The following SLC7A2 variants were observed in gnomAD, a reference collection of about 807,000 sequenced individuals.
SLC7A2 encodes the protein cationic amino acid transporter 2.
Under a neutral mutation model 58.9 loss-of-function variants are expected in SLC7A2, and 48 were observed. That is an observed-to-expected ratio of 0.82 (90% confidence interval 0.65 to 1.04). The LOEUF is 1.04. SLC7A2 is among the 50% of genes least tolerant of loss of function. The pLI is 0.00. For missense variants in SLC7A2, 1,029 were observed against 818.8 expected (o/e 1.26, Z -3.13); for synonymous variants, 363 against 314.5 (o/e 1.15, Z -1.63).
chr8:17,531,246 C>G (rs1328227655), intron 2 of SLC7A2, among the ~76,000 whole-genome samples: 15 of 152,160 alleles, frequency 9.9e-5, no homozygotes. Flanking sequence ...TCTCTCTCTT[C>G]TTACAGTCTT....
intron 2 of SLC7A2, among the ~76,000 whole-genome samples, chr8:17,505,257 C>A (rs762413017): frequency 1.3e-5 from 2 of 152,244 alleles, no homozygotes; most frequent in Admixed American, 6.5e-5. Flanking sequence ...AAGATAAGAA[C>A]CTTGGAATGC....
intron 2 of SLC7A2, among the ~76,000 whole-genome samples, chr8:17,511,928 C>T (rs1397706260): frequency 1.3e-5 from 2 of 151,622 alleles, no homozygotes; most frequent in East Asian, 1.9e-4. Context: ...TGTGATTTCA[C>T]AACATGATCT....
upstream of SLC7A2, among the ~76,000 whole-genome samples, chr8:17,494,645 A>G (rs953697227): frequency 3.3e-5 from 5 of 152,204 alleles, no homozygotes; most frequent in African/African-American, 1.2e-4. Flanking sequence ...CTCTTGTCTC[A>G]TAGTCTGTCT....
intron 2 of SLC7A2, 117 bp from the exon 3 acceptor site, chr8:17,543,189 AACACACACACAC>A (rs112878892): frequency 8.9e-6 from 6 of 673,590 alleles, no homozygotes; most frequent in Admixed American, 6.7e-5. Context: ...TAACAAGTGA[AACACACACACAC>A]ACACACACAC....
At chr8:17,512,764 C>T (rs77103880) in intron 2 of SLC7A2, among the ~76,000 whole-genome samples, 5,776 of 152,222 alleles carry the variant, frequency 0.038, 167 homozygotes, top group Middle Eastern at 0.17. Context: ...AAAACTGAAA[C>T]TCTGTACCGT....
At chr8:17,562,682 C>T (rs1236523453) in intron 11 of SLC7A2, among the ~76,000 whole-genome samples, 1 of 152,144 alleles carries the variant, frequency 6.6e-6, no homozygotes, top group Admixed American at 6.5e-5. Context: ...CATTGGTCCT[C>T]TTACTGCCTT....
Position 17,511,916 on chromosome 8 carries a change from GTTGTGATTTCACAA to G in SLC7A2, c.-23+9615_-23+9628del, listed in dbSNP as rs879607978. Among the ~76,000 whole-genome samples, 267 of 152,258 alleles carry G rather than the reference GTTGTGATTTCACAA, an allele frequency of 1.8e-3. 3 individuals carry two copies. Among genetic ancestry groups the G allele is most frequent in the Non-Finnish European group, 3.0e-3 (205 of 68,008 alleles). On this transcript the variant is annotated intron_variant, in intron 2 of 12. Coordinates refer to ENST00000494857, the MANE Select transcript of SLC7A2 (RefSeq NM_001370338.1). ...TAACACACTGACACTATGGAACTAT[GTTGTGATTTCACAA>G]CATGATCTGTCGTTCTGTAAGAAAA...
chr8:17,526,480 G>T (rs930583989), intron 2 of SLC7A2, among the ~76,000 whole-genome samples: 1 of 151,372 alleles, frequency 6.6e-6, no homozygotes, highest in Non-Finnish European at 1.5e-5. Context: ...GAGTTGGTGA[G>T]AGAGAACCTC....
At chr8:17,559,752 A>G (rs999801615) in intron 9 of SLC7A2, among the ~76,000 whole-genome samples, 2 of 152,210 alleles carry the variant, frequency 1.3e-5, no homozygotes, top group African/African-American at 4.8e-5. Context: ...GGACACAGCC[A>G]AACCATATCA....
intron 1 of SLC7A2, chr8:17,499,889 C>T (rs1800086451): frequency 6.6e-6 from 1 of 152,136 alleles, no homozygotes; most frequent in Non-Finnish European, 1.5e-5. Flanking sequence ...ATTTTAATAA[C>T]TTTTCATTTT....
intron 6 of SLC7A2, 69 bp downstream of exon 6, chr8:17,550,503 A>C (rs1394267842): frequency 1.4e-6 from 2 of 1,471,142 alleles, no homozygotes; most frequent in African/African-American, 1.4e-5. Context: ...CGTGTGTGGT[A>C]GCAGAGGGTC....
chr8:17,496,261 G>A (rs1474348426), upstream of SLC7A2, among the ~76,000 whole-genome samples: 3 of 152,168 alleles, frequency 2.0e-5, no homozygotes, highest in Non-Finnish European at 4.4e-5. Flanking sequence ...GGTCGAGGCT[G>A]CAGTGAGCCA....
intron 2 of SLC7A2, among the ~76,000 whole-genome samples, chr8:17,528,982 G>A (rs1801330621): frequency 6.6e-6 from 1 of 151,934 alleles, no homozygotes; most frequent in Non-Finnish European, 1.5e-5. Flanking sequence ...AAGATGAGAG[G>A]GGACCAGTTT....
intron 2 of SLC7A2, among the ~76,000 whole-genome samples, chr8:17,506,951 T>C (rs542695764): frequency 3.2e-4 from 48 of 151,436 alleles, no homozygotes; most frequent in African/African-American, 9.4e-4. Context: ...GTGGAATTTT[T>C]TTTTTTTTTT....
At chr8:17,515,412 C>T (rs905569992) in intron 2 of SLC7A2, among the ~76,000 whole-genome samples, 4 of 152,134 alleles carry the variant, frequency 2.6e-5, no homozygotes, top group East Asian at 1.9e-4. Flanking sequence ...TCTCCTGCCT[C>T]AGCCTCCTGA....
chr8:17,550,119 C>G (rs1396205504), intron 5 of SLC7A2, among the ~76,000 whole-genome samples, 182 bp from the exon 6 acceptor site: 3 of 152,164 alleles, frequency 2.0e-5, no homozygotes, highest in African/African-American at 7.2e-5. Context: ...AGGAGGGTCA[C>G]TGTTAGTGGC....
rs188210853 is a variant in SLC7A2 at position 17,512,814 on chromosome 8, C to G, written c.-23+10512C>G. Among the ~76,000 whole-genome samples the G allele has an allele frequency of 2.0e-3, 297 of 152,292 alleles. 1 individual carries two copies. Among genetic ancestry groups the G allele is most frequent in the South Asian group, 3.3e-3 (16 of 4,832 alleles). On this transcript the variant is annotated intron_variant, in intron 2 of 12. Coordinates refer to ENST00000494857, the MANE Select transcript of SLC7A2 (RefSeq NM_001370338.1). ...GTTTCCCCTTCCCTTCCGCCCTGGC[C>G]AACCACCATTCTACTTTCTGTCTCT... is the stretch of plus-strand genomic sequence containing the variant.
intron 2 of SLC7A2, among the ~76,000 whole-genome samples, chr8:17,504,011 G>A (rs763061639): frequency 2.4e-4 from 37 of 152,168 alleles, no homozygotes; most frequent in Non-Finnish European, 2.9e-5. Flanking sequence ...TTCCACAGCA[G>A]CCTATGGCAA....
upstream of SLC7A2, among the ~76,000 whole-genome samples, chr8:17,496,823 C>G (rs1799969310): frequency 6.6e-6 from 1 of 152,118 alleles, no homozygotes; most frequent in Admixed American, 6.5e-5. Context: ...CGAAGTTTAT[C>G]CTCGCGCGCA....
Sources: allele counts gnomAD v4.1 joint callset (sites outside exome capture counted in the v4.1 genomes callset), GRCh38; gene constraint gnomAD v4.1.1; transcripts MANE v1.5; gene names NCBI Gene and HGNC (gene_info 2026-07-23, HGNC 2026-07-21).